Variants in ZNF415 observed in about 807,000 individuals in gnomAD.
ZNF415 encodes zinc finger protein 415.
In ZNF415, 5 loss-of-function variants were observed where a neutral mutation model predicts 7.3. The observed-to-expected ratio is 0.69, with a 90% CI of 0.36 to 1.44. The LOEUF (loss-of-function observed/expected upper bound fraction) is 1.44. Among genes scored for constraint, ZNF415 ranks in the 40% most tolerant of loss-of-function variants. The pLI, the probability that ZNF415 is intolerant of heterozygous loss-of-function variation, is 0.04. For synonymous variants in ZNF415, 207 were observed against 226.3 expected (o/e 0.91, Z 0.77); for missense variants, 628 against 664.8 (o/e 0.94, Z 0.61).
chr19:53,132,764 C>G (rs921959519), intron 1 of ZNF415, 92 bp downstream of exon 1: 2 of 152,248 alleles, frequency 1.3e-5, no homozygotes, highest in African/African-American at 4.8e-5. Context: ...GTGGAGTGTA[C>G]GGGGATTTTA....
chr19:53,122,719 T>A lies in ZNF415; in HGVS notation c.-43A>T. On this transcript the variant is annotated 5_prime_UTR_variant, in exon 2 of 4. Coordinates refer to ENST00000243643, the MANE Select transcript of ZNF415 (RefSeq NM_018355.4). ...TCCTCTTCTGGGTTTCTTCCTCATG[T>A]GCCAGGAGTCTTTGGAAGTCAATGC... 1 of 1,613,970 alleles carries A rather than the reference T, an allele frequency of 6.2e-7. No homozygotes were observed. The highest frequency in any genetic ancestry group is 8.5e-7 in the Non-Finnish European group (1 of 1,179,938).
intron 2 of ZNF415, chr19:53,122,256 C>CAA (rs1408495467): frequency 1.1e-6 from 1 of 901,420 alleles, no homozygotes; most frequent in Non-Finnish European, 1.7e-6. Flanking sequence ...CAAAAACAAA[C>CAA]AAACAAACAA....
intron 2 of ZNF415, among the ~76,000 whole-genome samples, chr19:53,118,903 G>A (rs556703517): frequency 2.9e-4 from 44 of 151,480 alleles, no homozygotes; most frequent in African/African-American, 9.7e-4. Flanking sequence ...CCAGCACTTT[G>A]GGAGGCCAAG....
intron 2 of ZNF415, among the ~76,000 whole-genome samples, chr19:53,121,672 C>T (rs951221833): frequency 1.3e-5 from 2 of 151,864 alleles, no homozygotes; most frequent in African/African-American, 2.4e-5. Flanking sequence ...ATCCGCTCAC[C>T]TCGGCCTCCA....
At chr19:53,127,780 G>C (rs2089422539) in intron 1 of ZNF415, among the ~76,000 whole-genome samples, 1 of 151,422 alleles carries the variant, frequency 6.6e-6, no homozygotes, top group African/African-American at 2.4e-5. Context: ...GGGAGGCTGA[G>C]GCACGCGAAT....
chr19:53,118,437 A>C (rs1286416196), intron 2 of ZNF415, among the ~76,000 whole-genome samples: 2 of 150,084 alleles, frequency 1.3e-5, no homozygotes, highest in African/African-American at 2.5e-5. Context: ...TGCACTTTAG[A>C]CTAAACAGAT....
At chr19:53,109,960 A>G (rs2085995649) in intron 3 of ZNF415, 52 bp from the exon 4 acceptor site, 3 of 1,389,908 alleles carry the variant, frequency 2.2e-6, no homozygotes, top group Non-Finnish European at 2.9e-6. Flanking sequence ...CAGTATATAA[A>G]TATTTCATAC....
chr19:53,115,672 G>A (rs1421310707), intron 3 of ZNF415: 2 of 1,474,682 alleles, frequency 1.4e-6, no homozygotes, highest in Admixed American at 3.9e-5. Flanking sequence ...GTGTAATGGT[G>A]TGGCTTCCTC....
intron 3 of ZNF415, among the ~76,000 whole-genome samples, chr19:53,113,903 G>A (rs28692585): frequency 0.16 from 23,712 of 152,182 alleles, 2,404 homozygotes; most frequent in African/African-American, 0.29. Flanking sequence ...AAAACTAGAA[G>A]GACATCTGGA....
rs532644318 is a variant in ZNF415 at position 53,113,785 on chromosome 19, C to T, written c.136+2528G>A. On this transcript the variant is annotated intron_variant, in intron 3 of 3. Coordinates refer to ENST00000243643, the MANE Select transcript of ZNF415 (RefSeq NM_018355.4). ...ATGCTGTGAACTTGAACAATGTCAT[C>T]GCTAGGAGAAACTCCCACACCAACT... 1.4e-4 allele frequency among the ~76,000 whole-genome samples: 22 copies of T among 152,294 alleles called. No homozygotes were observed. In the South Asian group the frequency reaches 3.9e-3, roughly 27 times the overall value.
At chr19:53,128,046 G>A (rs932291661) in intron 1 of ZNF415, among the ~76,000 whole-genome samples, 2 of 152,064 alleles carry the variant, frequency 1.3e-5, no homozygotes, top group Non-Finnish European at 2.9e-5. Flanking sequence ...TGGGACAGGT[G>A]TACACATCAT....
At chr19:53,124,664 G>A (rs938187785) in intron 1 of ZNF415, among the ~76,000 whole-genome samples, 2 of 152,172 alleles carry the variant, frequency 1.3e-5, no homozygotes, top group African/African-American at 4.8e-5. Flanking sequence ...TAGCAGCCAG[G>A]AGCAGGAACA....
At position 53,110,200 on chromosome 19, in the gene ZNF415, G is replaced by T. The variant is rs554319199; in HGVS notation, c.137-292C>A. On this transcript the variant is annotated intron_variant, in intron 3 of 3. Transcript: ENST00000243643. ...CCTGAAAGGAGTATTTTTTCACCTT[G>T]ACAGCAAAGTACACACCAATTGGCA... Among the ~76,000 whole-genome samples, 7 of 152,138 alleles carry T rather than the reference G, an allele frequency of 4.6e-5. No individual in the cohort carries two copies. In the East Asian group the frequency reaches 1.4e-3, roughly 29 times the overall value.
At chr19:53,112,239 G>A (rs1056922794) in intron 3 of ZNF415, among the ~76,000 whole-genome samples, 18 of 152,124 alleles carry the variant, frequency 1.2e-4, no homozygotes, top group Non-Finnish European at 1.5e-5. Flanking sequence ...CAACCACGCC[G>A]GGCCATCAGA....
chr19:53,108,296 A>G lies in ZNF415; in HGVS notation c.*81T>C. ...TGTGACTGAAAACCTTGCCACATTT[A>G]TTATACTTGTATGGTTTCTCTCTGA... is the stretch of plus-strand genomic sequence containing the variant. On this transcript the variant is annotated 3_prime_UTR_variant, in exon 4 of 4. Coordinates refer to ENST00000243643, the MANE Select transcript of ZNF415 (RefSeq NM_018355.4). The G allele has an allele frequency of 7.3e-7, 1 of 1,373,752 alleles. No individual in the cohort carries two copies. Among genetic ancestry groups the G allele is most frequent in the Admixed American group, 2.4e-5 (1 of 41,464 alleles). 85.1% of individuals were successfully genotyped at this position (1,373,752 alleles called of 1,614,324 possible). A position where few individuals can be genotyped will look rare whatever the true frequency, so the allele number is the denominator to read the frequency against.
At position 53,122,724 on chromosome 19, in the gene ZNF415, G is replaced by A; in HGVS notation, c.-48C>T. On this transcript the variant is annotated 5_prime_UTR_variant, in exon 2 of 4. Coordinates refer to ENST00000243643, the MANE Select transcript of ZNF415 (RefSeq NM_018355.4). ...TTCTGGGTTTCTTCCTCATGTGCCA[G>A]GAGTCTTTGGAAGTCAATGCTGAAT... is the stretch of plus-strand genomic sequence containing the variant. 6.2e-7 allele frequency: 1 copy of A among 1,613,638 alleles called. No individual in the cohort carries two copies. The highest frequency in any genetic ancestry group is 8.5e-7 in the Non-Finnish European group (1 of 1,179,738).
In ZNF415 at chr19:53,108,704, T is replaced by C; in HGVS notation, c.1341A>G (p.Lys447=). The change falls in exon 4 of 4, where the codon AAA becomes AAG. Residue 447 remains lysine, a synonymous_variant. Coordinates refer to ENST00000243643, the MANE Select transcript of ZNF415 (RefSeq NM_018355.4). ...TTAAGTTCGAATGCACACTAAAGGC[T>C]TTCCCACACTCATTACACTTGTAAG... ...EKPYKCNECG[K]AFSVHSNLTT... The C allele has an allele frequency of 6.2e-7, 1 of 1,614,214 alleles. No homozygotes were observed. The highest frequency in any genetic ancestry group is 1.1e-5 in the South Asian group (1 of 91,084).
intron 2 of ZNF415, 27 bp from the exon 3 acceptor site, chr19:53,116,460 C>T (rs775540975): frequency 1.2e-6 from 2 of 1,613,830 alleles, no homozygotes; most frequent in Non-Finnish European, 1.7e-6. Flanking sequence ...AAACACATTT[C>T]ACCAAGAGGT....
At chr19:53,110,487 A>G (rs948022852) in intron 3 of ZNF415, among the ~76,000 whole-genome samples, 5 of 152,212 alleles carry the variant, frequency 3.3e-5, no homozygotes, top group African/African-American at 1.2e-4. Flanking sequence ...TTATGAAAAT[A>G]TCTGTACCCA....
Sources: gnomAD v4.1 joint callset for allele counts (sites outside exome capture counted in the v4.1 genomes callset) on GRCh38, gnomAD v4.1.1 for gene constraint, MANE v1.5 for transcripts, NCBI Gene and HGNC (gene_info 2026-07-23, HGNC 2026-07-21) for gene names.